Variants in FAM167A observed in about 807,000 individuals in gnomAD.
FAM167A encodes protein FAM167A.
Under a neutral mutation model 14.9 loss-of-function variants are expected in FAM167A, and 23 were observed. That is an observed-to-expected ratio of 1.55 (90% CI 1.11 to 2.19). FAM167A has a LOEUF of 2.19. FAM167A is among the 30% of genes most tolerant of loss of function. FAM167A has a pLI of 0.00. For missense variants in FAM167A, 401 were observed against 281.5 expected, an observed-to-expected ratio of 1.42 and a Z score of -3.04; for synonymous variants, 174 against 117.7, an observed-to-expected ratio of 1.48 and a Z score of -3.10.
intron 1 of FAM167A, among the ~76,000 whole-genome samples, chr8:11,474,280 T>A (rs2117179166): frequency 6.6e-6 from 1 of 152,292 alleles, no homozygotes; most frequent in South Asian, 2.1e-4. Flanking sequence ...CATGAACAAA[T>A]ATTCAACAAG....
At chr8:11,440,730 C>T (rs1166299771) in intron 2 of FAM167A, among the ~76,000 whole-genome samples, 1 of 152,230 alleles carries the variant, frequency 6.6e-6, no homozygotes, top group African/African-American at 2.4e-5. Context: ...CACGTGAGAA[C>T]AAACAACACA....
intron 2 of FAM167A, among the ~76,000 whole-genome samples, chr8:11,436,144 T>C (rs985307587): frequency 3.3e-5 from 5 of 152,190 alleles, no homozygotes; most frequent in Non-Finnish European, 7.3e-5. Context: ...CGGGGTTGGG[T>C]AGGGCTGTGT....
intron 2 of FAM167A, among the ~76,000 whole-genome samples, chr8:11,436,960 C>T (rs966319030): frequency 6.6e-6 from 1 of 152,218 alleles, no homozygotes; most frequent in African/African-American, 2.4e-5. Context: ...CCTGCAGTTG[C>T]TATAGATTCC....
At chr8:11,472,325 A>C (rs879316712), upstream of FAM167A, among the ~76,000 whole-genome samples, 12 of 152,090 alleles carry the variant, frequency 7.9e-5, no homozygotes, top group Non-Finnish European at 1.8e-4. Flanking sequence ...AACATCTTCT[A>C]GAATATGCTG....
chr8:11,465,572 C>T (rs1807730391), intron 1 of FAM167A, among the ~76,000 whole-genome samples: 1 of 152,220 alleles, frequency 6.6e-6, no homozygotes, highest in Non-Finnish European at 1.5e-5. Context: ...TTCCAAGCTC[C>T]TTAAAAACAC....
rs1804773320 is a variant in FAM167A, at chr8:11,422,166, T to C, written c.*2207A>G. 1 of 229,370 alleles carries C rather than the reference T, an allele frequency of 4.4e-6. No individual in the cohort carries two copies. The highest frequency in any genetic ancestry group is 8.4e-6 in the Non-Finnish European group (1 of 119,082). The allele number at this position is 229,370 out of a possible 1,614,324, so 14.2% of individuals were successfully genotyped here. A position where few individuals can be genotyped will look rare whatever the true frequency, so the allele number is the denominator to read the frequency against. On this transcript the variant is annotated 3_prime_UTR_variant, in exon 3 of 3. Coordinates refer to ENST00000284486, the MANE Select transcript of FAM167A (RefSeq NM_053279.3). ...TGGGTTACCCAAGCAACTAAATCACTCAGTTGCATCCAACTTAATTGGACT... is the reference window on the plus strand; with the variant it reads ...TGGGTTACCCAAGCAACTAAATCACCCAGTTGCATCCAACTTAATTGGACT...
rs2116958399 is a variant in FAM167A, at chr8:11,422,499, A to T, written c.*1874T>A. The T allele has an allele frequency of 6.6e-6, 1 of 152,668 alleles. No individual in the cohort carries two copies. Among genetic ancestry groups the T allele is most frequent in the East Asian group, 1.9e-4 (1 of 5,186 alleles). The allele number at this position is 152,668 out of a possible 1,614,324, so 9.5% of individuals were successfully genotyped here. On this transcript the variant is annotated 3_prime_UTR_variant, in exon 3 of 3. Coordinates refer to ENST00000284486, the MANE Select transcript of FAM167A (RefSeq NM_053279.3). ...TTGGCAGTGTTTGTGCAGAGCTCTG[A>T]GGAAGGACAGCAGTACATGGTCCTC...
chr8:11,425,083 C>G (rs527244219), intron 2 of FAM167A, among the ~76,000 whole-genome samples: 3 of 152,258 alleles, frequency 2.0e-5, no homozygotes, highest in South Asian at 4.2e-4. Flanking sequence ...TTCTTTCTTA[C>G]GCTGGGGAGT....
intron 2 of FAM167A, among the ~76,000 whole-genome samples, chr8:11,432,755 C>T (rs1043442714): frequency 6.6e-6 from 1 of 152,206 alleles, no homozygotes; most frequent in African/African-American, 2.4e-5. Flanking sequence ...GATAAAGACA[C>T]ATGCACACGT....
chr8:11,455,075 G>A (rs559994717), intron 1 of FAM167A, among the ~76,000 whole-genome samples: 4 of 152,346 alleles, frequency 2.6e-5, no homozygotes, highest in African/African-American at 7.2e-5. Flanking sequence ...ACATCCTGCC[G>A]AGACCTGACC....
At chr8:11,469,776 G>A (rs1807894906), upstream of FAM167A, among the ~76,000 whole-genome samples, 1 of 152,036 alleles carries the variant, frequency 6.6e-6, no homozygotes, top group African/African-American at 2.4e-5. Context: ...CCAGCTACTT[G>A]GGAGGCTGAG....
intron 1 of FAM167A, chr8:11,474,473 G>C (rs1563399811): frequency 6.6e-6 from 1 of 152,226 alleles, no homozygotes; most frequent in South Asian, 2.1e-4. Context: ...CAGGAAAGCA[G>C]CAAGCCACTC....
At chr8:11,474,995 T>G (rs1241626200) in intron 1 of FAM167A, among the ~76,000 whole-genome samples, 3 of 152,110 alleles carry the variant, frequency 2.0e-5, no homozygotes, top group African/African-American at 7.2e-5. Context: ...AGCAGCCAAG[T>G]GTCCTGGAGT....
At chr8:11,440,852 T>G (rs1265406396) in intron 2 of FAM167A, among the ~76,000 whole-genome samples, 1 of 152,218 alleles carries the variant, frequency 6.6e-6, no homozygotes, top group African/African-American at 2.4e-5. Flanking sequence ...TTTCACTGAG[T>G]TAAATAGGTT....
intron 2 of FAM167A, among the ~76,000 whole-genome samples, chr8:11,431,351 G>A (rs1180891380): frequency 6.6e-6 from 1 of 152,248 alleles, no homozygotes; most frequent in African/African-American, 2.4e-5. Flanking sequence ...CCAATTCATA[G>A]TGATGGAAAG....
chr8:11,435,551 G>T (rs527570886), intron 2 of FAM167A, among the ~76,000 whole-genome samples: 3 of 152,160 alleles, frequency 2.0e-5, no homozygotes, highest in Admixed American at 6.5e-5. Context: ...TGTCTCCACG[G>T]CTGGGACAGT....
chr8:11,440,250 C>T (rs530260494), intron 2 of FAM167A, among the ~76,000 whole-genome samples: 1 of 152,338 alleles, frequency 6.6e-6, no homozygotes, highest in African/African-American at 2.4e-5. Flanking sequence ...CCAGCTCCGC[C>T]CCGGGGAGCC....
rs565471205 is a variant in FAM167A at position 11,435,067 on chromosome 8, T to C, written c.381+8964A>G. 1.5e-5 allele frequency: 7 copies of C among 456,830 alleles called. No individual in the cohort carries two copies. The Admixed American group carries it at 1.6e-4, about 11-fold the overall frequency. The allele number at this position is 456,830 out of a possible 1,614,324, so 28.3% of individuals were successfully genotyped here. A position where few individuals can be genotyped will look rare whatever the true frequency, so the allele number is the denominator to read the frequency against. On this transcript the variant is annotated intron_variant, in intron 2 of 2. Transcript: ENST00000284486. ...AATCTGTCTCCACTCAAGAGGCTGA[T>C]GGGCAGGTCTCCCTGCTTCTTCAAA...
intron 1 of FAM167A, among the ~76,000 whole-genome samples, chr8:11,460,271 G>A (rs1187017911): frequency 1.3e-5 from 2 of 152,230 alleles, no homozygotes; most frequent in African/African-American, 2.4e-5. Context: ...CGATGGGAGC[G>A]GGAGAAACAT....
Sources: allele counts gnomAD v4.1 joint callset (sites outside exome capture counted in the v4.1 genomes callset), GRCh38; gene constraint gnomAD v4.1.1; transcripts MANE v1.5; gene names NCBI Gene and HGNC (gene_info 2026-07-23, HGNC 2026-07-21).